The following BANK1 variants were observed in gnomAD, a reference collection of about 807,000 sequenced individuals.
BANK1 encodes the protein B-cell scaffold protein with ankyrin repeats.
BANK1 carries 95 observed loss-of-function variants against 94.5 expected under a neutral mutation model. The observed-to-expected ratio is 1.00, with a 90% CI of 0.85 to 1.19. The LOEUF (loss-of-function observed/expected upper bound fraction) is 1.19. Ranked by LOEUF, BANK1 falls within the 50% of genes most tolerant of loss-of-function variation. The pLI is 0.00. For missense variants in BANK1, 987 were observed against 932.2 expected, an observed-to-expected ratio of 1.06 and a Z score of -0.77; for synonymous variants, 334 against 308.4, an observed-to-expected ratio of 1.08 and a Z score of -0.87.
At chr4:101,855,509 G>T (rs954968111) in intron 3 of BANK1, among the ~76,000 whole-genome samples, 7 of 152,116 alleles carry the variant, frequency 4.6e-5, no homozygotes, top group African/African-American at 1.7e-4. Context: ...ATACACACTG[G>T]ATGATAGTTG....
At chr4:102,012,004 A>C (rs967056975) in intron 7 of BANK1, among the ~76,000 whole-genome samples, 1 of 152,188 alleles carries the variant, frequency 6.6e-6, no homozygotes, top group Non-Finnish European at 1.5e-5. Flanking sequence ...GCTTTTAATA[A>C]GGAAAATTAT....
chr4:102,054,061 AG>A (rs1728143031), intron 11 of BANK1, among the ~76,000 whole-genome samples: 1 of 152,110 alleles, frequency 6.6e-6, no homozygotes, highest in South Asian at 2.1e-4. Flanking sequence ...ACATTCTCAC[AG>A]AGCAGTAACA....
intron 1 of BANK1, among the ~76,000 whole-genome samples, chr4:101,809,615 A>C (rs1402640043): frequency 6.6e-6 from 1 of 152,206 alleles, no homozygotes; most frequent in African/African-American, 2.4e-5. Flanking sequence ...GCATTCTCAA[A>C]GGAACTTTCA....
At chr4:101,955,877 A>T (rs545814150) in intron 7 of BANK1, among the ~76,000 whole-genome samples, 1 of 152,312 alleles carries the variant, frequency 6.6e-6, no homozygotes, top group African/African-American at 2.4e-5. Context: ...ACTCTGTAAA[A>T]CGAGCACAGT....
intron 1 of BANK1, among the ~76,000 whole-genome samples, chr4:101,791,296 G>A (rs563934978): frequency 5.3e-5 from 8 of 152,294 alleles, no homozygotes; most frequent in Admixed American, 1.3e-4. Context: ...AAAGCAATGC[G>A]CGTTTAAAAT....
At chr4:101,870,386 C>A in intron 4 of BANK1, 119 bp from the exon 5 acceptor site, 1 of 876,256 alleles carries the variant, frequency 1.1e-6, no homozygotes, top group Non-Finnish European at 1.6e-6. Context: ...ATTTTAAGTG[C>A]TAGAGATGAG....
intron 7 of BANK1, among the ~76,000 whole-genome samples, chr4:101,949,403 C>T (rs769150309): frequency 3.3e-5 from 5 of 152,020 alleles, no homozygotes; most frequent in South Asian, 4.1e-4. Context: ...ACAGGGATAT[C>T]GGGATGCCTT....
chr4:101,822,259 A>T (rs1726185825), intron 1 of BANK1, among the ~76,000 whole-genome samples: 1 of 151,794 alleles, frequency 6.6e-6, no homozygotes, highest in African/African-American at 2.4e-5. Context: ...GGTCCCAGCT[A>T]CTCGGGAGGC....
chr4:101,834,469 C>T (rs1726750313), intron 2 of BANK1, among the ~76,000 whole-genome samples: 1 of 152,172 alleles, frequency 6.6e-6, no homozygotes, highest in African/African-American at 2.4e-5. Context: ...TAGCAATCTC[C>T]AAACTGCATA....
rs1003887772 is a variant in BANK1, at chr4:101,877,441, C to T, written c.903+6797C>T. On this transcript the variant is annotated intron_variant, in intron 5 of 16. Transcript: ENST00000322953. ...TCTTATTTCAATTAGAAAGAGTAAG[C>T]GATGAACCAATCAAAAATAGTAACT... Among the ~76,000 whole-genome samples, 9 of 151,956 alleles carry T rather than the reference C, an allele frequency of 5.9e-5. No homozygotes were observed. The South Asian group carries it at 8.3e-4, about 14-fold the overall frequency.
At chr4:101,887,812 T>C (rs1201393610) in intron 5 of BANK1, among the ~76,000 whole-genome samples, 1 of 152,208 alleles carries the variant, frequency 6.6e-6, no homozygotes, top group Non-Finnish European at 1.5e-5. Context: ...AAATGATTCA[T>C]TCAAAACAGA....
At chr4:101,833,994 TC>T (rs1726725137) in intron 2 of BANK1, among the ~76,000 whole-genome samples, 1 of 152,178 alleles carries the variant, frequency 6.6e-6, no homozygotes, top group South Asian at 2.1e-4. Context: ...GCTACTCTTC[TC>T]CCTGAAGATT....
intron 11 of BANK1, among the ~76,000 whole-genome samples, chr4:102,047,427 T>C (rs1727913094): frequency 1.1e-5 from 1 of 89,406 alleles, no homozygotes; most frequent in Admixed American, 1.2e-4. Flanking sequence ...AGGAGAAAGA[T>C]AGATCTTTTT....
At chr4:102,043,053 T>C (rs1727755329) in intron 10 of BANK1, among the ~76,000 whole-genome samples, 1 of 152,044 alleles carries the variant, frequency 6.6e-6, no homozygotes, top group South Asian at 2.1e-4. Context: ...CCAAAGCCTT[T>C]TCCAGTTCCC....
At chr4:101,946,585 A>G (rs894758351) in intron 7 of BANK1, among the ~76,000 whole-genome samples, 2 of 152,002 alleles carry the variant, frequency 1.3e-5, no homozygotes, top group African/African-American at 4.8e-5. Flanking sequence ...TCAAAGGAAC[A>G]TGAAGGATTT....
intron 1 of BANK1, among the ~76,000 whole-genome samples, chr4:101,816,746 G>T (rs1358393394): frequency 6.6e-6 from 1 of 151,904 alleles, no homozygotes; most frequent in Non-Finnish European, 1.5e-5. Context: ...TTTTCTAATG[G>T]AATATTATTT....
intron 1 of BANK1, among the ~76,000 whole-genome samples, chr4:101,815,094 A>ACC: frequency 6.6e-6 from 1 of 152,150 alleles, no homozygotes; most frequent in East Asian, 1.9e-4. Context: ...TGAAGTTGAT[A>ACC]ATTGGCTCAA....
chr4:101,936,379 AC>A, intron 7 of BANK1, among the ~76,000 whole-genome samples: 1 of 150,252 alleles, frequency 6.7e-6, no homozygotes, highest in Non-Finnish European at 1.5e-5. Flanking sequence ...ATGTGTGCAT[AC>A]ATGCATACAT....
chr4:101,944,142 A>C (rs184075229), intron 7 of BANK1, among the ~76,000 whole-genome samples: 1 of 151,808 alleles, frequency 6.6e-6, no homozygotes, highest in Admixed American at 6.6e-5. Flanking sequence ...ACTCCTCAGT[A>C]AGCCGGTTTT....
Sources: gnomAD v4.1 joint callset for allele counts (sites outside exome capture counted in the v4.1 genomes callset) on GRCh38, gnomAD v4.1.1 for gene constraint, MANE v1.5 for transcripts, NCBI Gene and HGNC (gene_info 2026-07-23, HGNC 2026-07-21) for gene names.